Variants in BMPR1B observed in about 807,000 individuals in gnomAD.
The protein encoded by BMPR1B is bone morphogenetic protein receptor type-1B.
In BMPR1B, 12 loss-of-function variants were observed where a neutral mutation model predicts 59.1. The ratio of observed to expected loss-of-function variants is 0.20; its 90% CI spans 0.13 to 0.33. BMPR1B has a LOEUF of 0.33. Ranked by LOEUF, BMPR1B falls within the 10% of genes least tolerant of loss-of-function variation. The pLI is 1.00. For synonymous variants in BMPR1B, 237 were observed against 207.3 expected (o/e 1.14, Z -1.23); for missense variants, 550 against 610.9 (o/e 0.90, Z 1.05).
intron 8 of BMPR1B, among the ~76,000 whole-genome samples, chr4:95,129,377 C>T (rs1733139786): frequency 6.6e-6 from 1 of 152,032 alleles, no homozygotes; most frequent in Admixed American, 6.6e-5. Context: ...CCTTCCTTCC[C>T]TCCCTCCTTC....
chr4:94,782,343 T>C lies in BMPR1B; in HGVS notation c.-183+24275T>C, dbSNP rs180697708. On this transcript the variant is annotated intron_variant, in intron 1 of 12. Transcript: ENST00000515059. ...TTTAATGTTAATTTTTTTTTTTTTG[T>C]CACCCAGGCTGGAGTGCAGTGGTGC... 5.0e-3 allele frequency among the ~76,000 whole-genome samples: 663 copies of C among 133,528 alleles called. 5 individuals carry two copies. The highest frequency in any genetic ancestry group is 0.018 in the African/African-American group (640 of 35,162). 87.6% of individuals were successfully genotyped at this position (133,528 alleles called of 152,430 possible).
chr4:94,975,421 T>C (rs1303398954), intron 2 of BMPR1B, among the ~76,000 whole-genome samples: 1 of 141,438 alleles, frequency 7.1e-6, no homozygotes, highest in African/African-American at 2.6e-5. Context: ...TGAAGTACAG[T>C]GGTGCAGTCA....
In BMPR1B at chr4:95,148,790, C is replaced by G. The variant is rs749302695; in HGVS notation, c.1119C>G (p.Gly373=). ...ACATACCACCTAACACTCGAGTTGG[C>G]ACCAAACGCTATATGCCTCCAGAAG... is the stretch of plus-strand genomic sequence containing the variant. ...EVDIPPNTRV[G]TKRYMPPEVL... Residue 373 remains glycine, a synonymous_variant, in exon 11 of 13, where the codon GGC becomes GGG. Coordinates refer to ENST00000515059, the MANE Select transcript of BMPR1B (RefSeq NM_001203.3). The G allele has an allele frequency of 6.2e-7, 1 of 1,614,014 alleles. No individual in the cohort carries two copies. The highest frequency in any genetic ancestry group is 1.7e-5 in the Admixed American group (1 of 60,008).
intron 3 of BMPR1B, among the ~76,000 whole-genome samples, chr4:95,045,917 G>T (rs1726017801): frequency 6.6e-6 from 1 of 152,048 alleles, no homozygotes; most frequent in Admixed American, 6.6e-5. Flanking sequence ...GGAGATTTGG[G>T]GAGTTTCTGT....
At chr4:94,846,451 G>A (rs1356599024) in intron 1 of BMPR1B, among the ~76,000 whole-genome samples, 1 of 152,106 alleles carries the variant, frequency 6.6e-6, no homozygotes, top group African/African-American at 2.4e-5. Context: ...ATCTGGGTGG[G>A]CACAATCTAA....
intron 3 of BMPR1B, among the ~76,000 whole-genome samples, chr4:95,065,980 A>T (rs1382976060): frequency 6.6e-6 from 1 of 152,126 alleles, no homozygotes; most frequent in Admixed American, 6.6e-5. Flanking sequence ...TTTGCTAAAA[A>T]CTTAGCGCAG....
intron 4 of BMPR1B, among the ~76,000 whole-genome samples, chr4:95,114,205 ATC>A (rs1368949499): frequency 6.6e-6 from 1 of 152,148 alleles, no homozygotes; most frequent in African/African-American, 2.4e-5. Flanking sequence ...GTATTTCACT[ATC>A]TCAGAGCAAG....
intron 2 of BMPR1B, among the ~76,000 whole-genome samples, chr4:94,915,954 T>C (rs1187101468): frequency 1.3e-5 from 2 of 152,142 alleles, no homozygotes; most frequent in African/African-American, 4.8e-5. Flanking sequence ...GGCACCTCCT[T>C]TCTCAGCCTC....
chr4:94,885,774 C>T (rs1469532231), intron 2 of BMPR1B, among the ~76,000 whole-genome samples: 1 of 151,916 alleles, frequency 6.6e-6, no homozygotes, highest in Non-Finnish European at 1.5e-5. Context: ...ATATTGCTGA[C>T]CTGGAAAGAT....
At chr4:94,929,767 G>A (rs528842766) in intron 2 of BMPR1B, among the ~76,000 whole-genome samples, 1 of 151,912 alleles carries the variant, frequency 6.6e-6, no homozygotes, top group South Asian at 2.1e-4. Flanking sequence ...TTATGCACCA[G>A]ATCCTCACGT....
At chr4:95,113,851 A>G (rs1445670400) in intron 4 of BMPR1B, among the ~76,000 whole-genome samples, 1 of 152,128 alleles carries the variant, frequency 6.6e-6, no homozygotes. Context: ...CACTTTTATA[A>G]TTTTAATTTC....
chr4:95,100,778 G>A (rs1464636085), intron 3 of BMPR1B, among the ~76,000 whole-genome samples: 4 of 151,970 alleles, frequency 2.6e-5, no homozygotes, highest in Admixed American at 6.5e-5. Flanking sequence ...CACCTGCTGG[G>A]ATTTTCATTT....
intron 2 of BMPR1B, among the ~76,000 whole-genome samples, chr4:94,988,054 G>A (rs1047404517): frequency 1.3e-5 from 2 of 151,942 alleles, no homozygotes; most frequent in East Asian, 1.9e-4. Context: ...GATTTAGTGA[G>A]GATTAATTCC....
intron 2 of BMPR1B, among the ~76,000 whole-genome samples, chr4:94,952,495 T>C (rs569990307): frequency 4.9e-4 from 75 of 152,330 alleles, no homozygotes; most frequent in African/African-American, 1.8e-3. Flanking sequence ...ACTTATTTAT[T>C]TCTGCCTTAA....
intron 1 of BMPR1B, among the ~76,000 whole-genome samples, chr4:94,833,778 G>A (rs936485802): frequency 5.9e-5 from 9 of 152,284 alleles, no homozygotes; most frequent in African/African-American, 1.7e-4. Context: ...CATAGGCAAA[G>A]GATAAATATT....
intron 1 of BMPR1B, among the ~76,000 whole-genome samples, chr4:94,770,207 G>A (rs1389520568): frequency 2.8e-5 from 2 of 70,672 alleles, no homozygotes; most frequent in South Asian, 4.3e-4. Flanking sequence ...TTTTTTTTGC[G>A]AAAGCAAGGT....
intron 1 of BMPR1B, among the ~76,000 whole-genome samples, chr4:94,794,354 C>T (rs931465876): frequency 2.6e-5 from 4 of 151,626 alleles, no homozygotes; most frequent in Non-Finnish European, 4.4e-5. Context: ...TTTCTGAGGG[C>T]TCTGTTCTGT....
At position 94,913,238 on chromosome 4, in the gene BMPR1B, CTCTT is replaced by C. The variant is rs3836570; in HGVS notation, c.-113+37341_-113+37344del. On this transcript the variant is annotated intron_variant, in intron 2 of 12. Coordinates refer to ENST00000515059, the MANE Select transcript of BMPR1B (RefSeq NM_001203.3). ...ATTAAGCATATTTTCTGCTTTTTATCTCTTTCAACAACAAATGCTGTGAGGTTTA... is the reference window on the plus strand; with the variant it reads ...ATTAAGCATATTTTCTGCTTTTTATCTCAACAACAAATGCTGTGAGGTTTA... Among the ~76,000 whole-genome samples, 20 of 152,176 alleles carry C rather than the reference CTCTT, an allele frequency of 1.3e-4. No homozygotes were observed. In the East Asian group the frequency reaches 3.7e-3, roughly 28 times the overall value.
rs569734207 is a variant in BMPR1B, at chr4:95,051,911, C to G, written c.-17-52497C>G. 4.4e-5 allele frequency: 32 copies of G among 725,890 alleles called. No homozygotes were observed. In the South Asian group the frequency reaches 7.4e-4, roughly 17 times the overall value. 45.0% of individuals were successfully genotyped at this position (725,890 alleles called of 1,614,324 possible). On this transcript the variant is annotated intron_variant, in intron 3 of 12. Coordinates refer to ENST00000515059, the MANE Select transcript of BMPR1B (RefSeq NM_001203.3). ...TTCCATCCCCCATTCTCCAACTGCC[C>G]TGTAATTTTACTACTTTCTCTATTA...
Sources: gnomAD v4.1 joint callset for allele counts (sites outside exome capture counted in the v4.1 genomes callset) on GRCh38, gnomAD v4.1.1 for gene constraint, MANE v1.5 for transcripts, NCBI Gene and HGNC (gene_info 2026-07-23, HGNC 2026-07-21) for gene names.